USB1: variants seen among roughly 807,000 people sequenced by gnomAD.
USB1 encodes U6 snRNA phosphodiesterase 1.
Under a neutral mutation model 29.9 loss-of-function variants are expected in USB1, and 21 were observed. The ratio of observed to expected loss-of-function variants is 0.70; its 90% CI spans 0.50 to 1.01. The LOEUF is 1.01. USB1 is among the 50% of genes least tolerant of loss of function. USB1 has a pLI of 0.00. For synonymous variants in USB1, 143 were observed against 134.9 expected, an observed-to-expected ratio of 1.06 and a Z score of -0.42; for missense variants, 330 against 347.1, an observed-to-expected ratio of 0.95 and a Z score of 0.39.
At chr16:58,017,613 T>TAGTC (rs1311714419) in intron 5 of USB1, among the ~76,000 whole-genome samples, 174 bp downstream of exon 5, 8 of 152,232 alleles carry the variant, frequency 5.3e-5, no homozygotes, top group African/African-American at 1.7e-4. Flanking sequence ...CTTTGAGGTG[T>TAGTC]AGTCAGATGC....
At chr16:58,003,860 G>A (rs537354667) in intron 2 of USB1, among the ~76,000 whole-genome samples, 170 of 152,010 alleles carry the variant, frequency 1.1e-3, no homozygotes, top group Non-Finnish European at 2.2e-3. Context: ...TATCAGATAC[G>A]TCTTTTGCAA....
At chr16:58,006,544 A>G (rs971770245) in intron 2 of USB1, among the ~76,000 whole-genome samples, 2 of 152,162 alleles carry the variant, frequency 1.3e-5, no homozygotes, top group Non-Finnish European at 2.9e-5. Context: ...CTGTAATCCC[A>G]GCTACTTAGA....
rs1323789858 is a variant in USB1 at position 58,002,479 on chromosome 16, T to C, written c.99T>C (p.Arg33=). The C allele has an allele frequency of 6.2e-7, 1 of 1,613,974 alleles. No individual in the cohort carries two copies. The highest frequency in any genetic ancestry group is 1.1e-5 in the South Asian group (1 of 91,082). The part of the protein sequence containing the change: ...RTRPGDGSHR[R]GQSPLPRQRF... ...TCATTTTTCTTTTTTTCTTTTGCAG[T>C]GGCCAGAGCCCCCTTCCCAGGCAGA... Residue 33 remains arginine, a splice_region_variant and synonymous_variant, in exon 2 of 7, where the codon CGT becomes CGC. Transcript: ENST00000219281.
At position 58,016,875 on chromosome 16, in the gene USB1, G is replaced by A. The variant is rs545044535; in HGVS notation, c.504-459G>A. 1.3e-4 allele frequency: 27 copies of A among 205,920 alleles called. No individual in the cohort carries two copies. In the South Asian group the frequency reaches 1.4e-3, roughly 11 times the overall value. The allele number at this position is 205,920 out of a possible 1,614,324, so 12.8% of individuals were successfully genotyped here. A position where few individuals can be genotyped will look rare whatever the true frequency, so the allele number is the denominator to read the frequency against. On this transcript the variant is annotated intron_variant, in intron 4 of 6. Transcript: ENST00000219281. ...GTTTCACTGAGAATGGGATGGGGAC[G>A]TGCTGAAACCGTGGGTTCAGGGGAG...
chr16:58,010,835 T>C (rs187882835), intron 3 of USB1: 2 of 598,830 alleles, frequency 3.3e-6, no homozygotes, highest in East Asian at 2.8e-5. Flanking sequence ...AGCACATGGG[T>C]GCGTTCTTAA....
chr16:58,011,387 G>A (rs769789560), intron 3 of USB1: 45 of 1,205,722 alleles, frequency 3.7e-5, no homozygotes, highest in Non-Finnish European at 4.5e-5. Context: ...TGCCAGCCTG[G>A]GGCTTTTTTT....
Position 58,013,176 on chromosome 16 carries a change from T to C in USB1, c.450-1097T>C. On this transcript the variant is annotated intron_variant, in intron 3 of 6. Transcript: ENST00000219281. This position sits in a 1 kb window ranked among gnomAD's most constrained non-coding sequence, Gnocchi z 4.3. ...TTTGGCCAGGCCTGGGCAGCCTGCC[T>C]CTGGAGTAGGGGTGGAGAGCCATCC... 1 of 985,512 alleles carries C rather than the reference T, an allele frequency of 1.0e-6. No homozygotes were observed. Among genetic ancestry groups the C allele is most frequent in the Non-Finnish European group, 1.2e-6 (1 of 829,994 alleles). 61.0% of individuals were successfully genotyped at this position (985,512 alleles called of 1,614,324 possible). A position where few individuals can be genotyped will look rare whatever the true frequency, so the allele number is the denominator to read the frequency against.
Position 58,020,405 on chromosome 16 carries a change from T to C in USB1, c.*160T>C. On this transcript the variant is annotated 3_prime_UTR_variant, in exon 7 of 7. Coordinates refer to ENST00000219281, the MANE Select transcript of USB1 (RefSeq NM_024598.4). Reference sequence around the variant, plus strand: ...GCCACTCCTCATCCTCCCTGAGTGCTGATATTCTCTCTCTCTCTTTCTCTT... The same window carrying C: ...GCCACTCCTCATCCTCCCTGAGTGCCGATATTCTCTCTCTCTCTTTCTCTT... 1.5e-6 allele frequency: 1 copy of C among 687,250 alleles called. No individual in the cohort carries two copies. The highest frequency in any genetic ancestry group is 1.8e-5 in the African/African-American group (1 of 56,338). The allele number at this position is 687,250 out of a possible 1,614,324, so 42.6% of individuals were successfully genotyped here.
chr16:58,013,325 T>C lies in USB1; in HGVS notation c.450-948T>C. 2 of 985,494 alleles carry C rather than the reference T, an allele frequency of 2.0e-6. No homozygotes were observed. The highest frequency in any genetic ancestry group is 1.2e-6 in the Non-Finnish European group (1 of 829,964). 61.0% of individuals were successfully genotyped at this position (985,494 alleles called of 1,614,324 possible). A position where few individuals can be genotyped will look rare whatever the true frequency, so the allele number is the denominator to read the frequency against. ...AAGCTGCACTTAACCAAGCTCCTGG[T>C]GGTTCTGTGATCCCTTACATTTTCT... is the stretch of plus-strand genomic sequence containing the variant. On this transcript the variant is annotated intron_variant, in intron 3 of 6. Coordinates refer to ENST00000219281, the MANE Select transcript of USB1 (RefSeq NM_024598.4). This position sits in a 1 kb window ranked among gnomAD's most constrained non-coding sequence, Gnocchi z 4.3.
chr16:58,012,811 T>G, intron 3 of USB1: 1 of 995,966 alleles, frequency 1.0e-6, no homozygotes, highest in Non-Finnish European at 1.2e-6. Context: ...ACTGCACCCC[T>G]CCAGGGAAGC....
At chr16:58,002,200 TACTCC>T (rs1963230969) in intron 1 of USB1, among the ~76,000 whole-genome samples, 1 of 152,184 alleles carries the variant, frequency 6.6e-6, no homozygotes, top group African/African-American at 2.4e-5. Context: ...TAGAAAGTGC[TACTCC>T]AGCTGCAGCC....
intron 3 of USB1, chr16:58,011,725 C>G: frequency 1.0e-6 from 1 of 987,678 alleles, no homozygotes; most frequent in Non-Finnish European, 1.2e-6. Flanking sequence ...ATTTCACTCA[C>G]CCTCATATGC....
chr16:58,004,771 G>A (rs748654830), intron 2 of USB1, among the ~76,000 whole-genome samples: 23 of 152,168 alleles, frequency 1.5e-4, no homozygotes, highest in South Asian at 6.2e-4. Flanking sequence ...CCACTGGGTC[G>A]GTGGGTTTTC....
chr16:58,009,746 A>C (rs1963446155), intron 2 of USB1, among the ~76,000 whole-genome samples, 183 bp from the exon 3 acceptor site: 1 of 151,106 alleles, frequency 6.6e-6, no homozygotes, highest in Non-Finnish European at 1.5e-5. Context: ...AATAATAATA[A>C]ATAAATAAAT....
chr16:58,009,678 T>C (rs1285936546), intron 2 of USB1, among the ~76,000 whole-genome samples: 4 of 151,252 alleles, frequency 2.6e-5, no homozygotes, highest in Non-Finnish European at 5.9e-5. Flanking sequence ...TGAGCCGAGA[T>C]TGCACCACTG....
chr16:58,006,323 T>G (rs375181477), intron 2 of USB1, among the ~76,000 whole-genome samples: 1,507 of 127,404 alleles, frequency 0.012, 34 homozygotes, highest in African/African-American at 0.043. Context: ...TTGCACTCCG[T>G]CCTGGTCAAC....
rs1436605527 is a variant in USB1 at position 58,014,340 on chromosome 16, A to AC, written c.503+19dup. 6.2e-7 allele frequency: 1 copy of AC among 1,606,450 alleles called. No homozygotes were observed. The highest frequency in any genetic ancestry group is 1.7e-5 in the Admixed American group (1 of 59,994). ...AGAGAAAACCAGGTGGGTCCTCCCA[A>AC]CCCCCAATCACCATCAGAGGAAGAT... On this transcript the variant is annotated intron_variant, in intron 4 of 6. Coordinates refer to ENST00000219281, the MANE Select transcript of USB1 (RefSeq NM_024598.4).
intron 2 of USB1, among the ~76,000 whole-genome samples, chr16:58,004,806 T>G (rs772629717): frequency 1.3e-5 from 2 of 152,082 alleles, no homozygotes; most frequent in African/African-American, 4.8e-5. Flanking sequence ...GACGAGAGAT[T>G]GTAGAAATAA....
intron 2 of USB1, among the ~76,000 whole-genome samples, chr16:58,009,685 A>T (rs1963444338): frequency 6.6e-6 from 1 of 151,458 alleles, no homozygotes; most frequent in Admixed American, 6.6e-5. Flanking sequence ...AGATTGCACC[A>T]CTGCACTCCA....
Sources: gnomAD v4.1 joint callset for allele counts (sites outside exome capture counted in the v4.1 genomes callset) on GRCh38, gnomAD v4.1.1 for gene constraint, Gnocchi (gnomAD v3.1) non-coding constraint, MANE v1.5 for transcripts, NCBI Gene and HGNC (gene_info 2026-07-23, HGNC 2026-07-21) for gene names.